Variants in BTBD9 observed in about 807,000 individuals in gnomAD.
The protein encoded by BTBD9 is BTB domain containing 9, also known as BTB/POZ domain-containing protein 9.
In BTBD9, 49 loss-of-function variants were observed where a neutral mutation model predicts 64.3. The ratio of observed to expected loss-of-function variants is 0.76; its 90% CI spans 0.61 to 0.97. The LOEUF (loss-of-function observed/expected upper bound fraction) is 0.97, where lower values mean the gene tolerates loss of function less well. BTBD9 is among the 50% of genes least tolerant of loss of function. The pLI, the probability that BTBD9 is intolerant of heterozygous loss-of-function variation, is 0.00. For synonymous variants in BTBD9, 260 were observed against 274.7 expected, an observed-to-expected ratio of 0.95 and a Z score of 0.53; for missense variants, 598 against 762.1, an observed-to-expected ratio of 0.78 and a Z score of 2.53.
At position 38,515,998 on chromosome 6, in the gene BTBD9, T is replaced by C. The variant is rs559076798; in HGVS notation, c.1154+61602A>G. 2.0e-5 allele frequency among the ~76,000 whole-genome samples: 3 copies of C among 152,346 alleles called. No homozygotes were observed. The East Asian group carries it at 5.8e-4, about 29-fold the overall frequency. ...GATGATCTTCAGGATGTGTAAATTA[T>C]ACATTGTAGTTACATAACAGACTAA... On this transcript the variant is annotated intron_variant, in intron 6 of 10. Transcript: ENST00000481247.
Position 38,238,470 on chromosome 6 carries a change from G to GTTTTTTTTTTT in BTBD9, c.1562+17938_1562+17939insAAAAAAAAAAA, listed in dbSNP as rs34641170. Among the ~76,000 whole-genome samples, 2 of 127,990 alleles carry GTTTTTTTTTTT rather than the reference G, an allele frequency of 1.6e-5. 1 individual carries two copies. Among genetic ancestry groups the GTTTTTTTTTTT allele is most frequent in the Non-Finnish European group, 3.2e-5 (2 of 62,870 alleles). 84.0% of individuals were successfully genotyped at this position (127,990 alleles called of 152,430 possible). A position where few individuals can be genotyped will look rare whatever the true frequency, so the allele number is the denominator to read the frequency against. ...ACAGTAAGCTGTTGCGGAGACCAAG[G>GTTTTTTTTTTT]TTTTTTGTTTTTTTTTTTTTGAGAC... On this transcript the variant is annotated intron_variant, in intron 9 of 10. Transcript: ENST00000481247.
At chr6:38,300,549 T>C (rs1488591483) in intron 7 of BTBD9, among the ~76,000 whole-genome samples, 1 of 150,998 alleles carries the variant, frequency 6.6e-6, no homozygotes, top group Non-Finnish European at 1.5e-5. Context: ...CAGTGGTTTG[T>C]AGTTCTCCTT....
chr6:38,180,873 C>T (rs1761524028), intron 10 of BTBD9, among the ~76,000 whole-genome samples: 1 of 152,210 alleles, frequency 6.6e-6, no homozygotes, highest in Non-Finnish European at 1.5e-5. Flanking sequence ...TGTATGAATC[C>T]GACACAGCCT....
intron 8 of BTBD9, among the ~76,000 whole-genome samples, chr6:38,267,620 C>T (rs913475315): frequency 6.6e-6 from 1 of 152,222 alleles, no homozygotes; most frequent in African/African-American, 2.4e-5. Flanking sequence ...CAATGCCTTA[C>T]ACATCATAAG....
intron 6 of BTBD9, among the ~76,000 whole-genome samples, chr6:38,468,347 C>T (rs960737968): frequency 6.6e-6 from 1 of 152,208 alleles, no homozygotes; most frequent in Non-Finnish European, 1.5e-5. Context: ...CTACATACCT[C>T]GCACACACCT....
chr6:38,358,198 C>T (rs1048429557), intron 6 of BTBD9, among the ~76,000 whole-genome samples: 1 of 152,036 alleles, frequency 6.6e-6, no homozygotes, highest in Non-Finnish European at 1.5e-5. Context: ...CTCTCCAGAA[C>T]AATCACTATA....
chr6:38,267,941 AAAAAC>A (rs1229859467), intron 8 of BTBD9, among the ~76,000 whole-genome samples: 6 of 152,192 alleles, frequency 3.9e-5, no homozygotes, highest in African/African-American at 4.8e-5. Context: ...CTCCGTCTCA[AAAAAC>A]AAAACAAAAC....
intron 6 of BTBD9, among the ~76,000 whole-genome samples, chr6:38,417,241 C>T (rs1374940885): frequency 3.3e-5 from 5 of 152,200 alleles, no homozygotes; most frequent in African/African-American, 9.7e-5. Flanking sequence ...ACCCTGCCCA[C>T]GCTGACCTCT....
At position 38,184,440 on chromosome 6, in the gene BTBD9, C is replaced by T. The variant is rs559659502; in HGVS notation, c.1641+8079G>A. ...CATTTCCAGTTGCTGGAACATGAAG[C>T]CCCTGGAGGGCCAGGTTCCCTCCCA... On this transcript the variant is annotated intron_variant, in intron 10 of 10. Coordinates refer to ENST00000481247, the MANE Select transcript of BTBD9 (RefSeq NM_001099272.2). The surrounding 1 kb of genome is among the most constrained non-coding windows in gnomAD (Gnocchi z 4.4). 6.6e-6 allele frequency among the ~76,000 whole-genome samples: 1 copy of T among 152,322 alleles called. No homozygotes were observed. The highest frequency in any genetic ancestry group is 2.4e-5 in the African/African-American group (1 of 41,566).
intron 8 of BTBD9, among the ~76,000 whole-genome samples, chr6:38,273,989 A>G (rs900604680): frequency 6.6e-6 from 1 of 152,230 alleles, no homozygotes; most frequent in Admixed American, 6.5e-5. Context: ...TGAGTGCTGC[A>G]AACAGACTAA....
At chr6:38,208,225 C>T (rs1018933765) in intron 9 of BTBD9, among the ~76,000 whole-genome samples, 2 of 152,162 alleles carry the variant, frequency 1.3e-5, no homozygotes, top group Non-Finnish European at 2.9e-5. Context: ...GGCACTGAGA[C>T]GTGACGGGTA....
chr6:38,204,928 A>G (rs894746603), intron 9 of BTBD9, among the ~76,000 whole-genome samples: 39 of 152,224 alleles, frequency 2.6e-4, no homozygotes, highest in Non-Finnish European at 2.9e-5. Flanking sequence ...TGAAAAAATA[A>G]CATTTAGTGA....
intron 6 of BTBD9, among the ~76,000 whole-genome samples, chr6:38,347,912 G>A (rs557801547): frequency 2.6e-5 from 4 of 152,264 alleles, no homozygotes; most frequent in East Asian, 1.9e-4. Flanking sequence ...CAGGAGAATC[G>A]CTTGAAACTG....
At chr6:38,270,767 A>T (rs1321778345) in intron 8 of BTBD9, among the ~76,000 whole-genome samples, 3 of 152,344 alleles carry the variant, frequency 2.0e-5, no homozygotes, top group Non-Finnish European at 4.4e-5. Context: ...TTAGGACCAC[A>T]AAGGGTTGCA....
chr6:38,547,671 G>A (rs1426003560), intron 6 of BTBD9, among the ~76,000 whole-genome samples: 2 of 151,958 alleles, frequency 1.3e-5, no homozygotes, highest in African/African-American at 4.8e-5. Context: ...CCTTCATCCT[G>A]CACCACCTCT....
At chr6:38,205,680 TCGAGACCAGCC>T (rs2127495512) in intron 9 of BTBD9, among the ~76,000 whole-genome samples, 1 of 151,640 alleles carries the variant, frequency 6.6e-6, no homozygotes, top group South Asian at 2.1e-4. Flanking sequence ...GGCCAGGAGT[TCGAGACCAGCC>T]TGGCCAACAT....
chr6:38,385,948 C>T (rs967290234), intron 6 of BTBD9, among the ~76,000 whole-genome samples: 1 of 151,738 alleles, frequency 6.6e-6, no homozygotes, highest in Non-Finnish European at 1.5e-5. Context: ...GTGCATGCCA[C>T]CATGCCTAAT....
intron 6 of BTBD9, among the ~76,000 whole-genome samples, chr6:38,505,611 G>C (rs1270720283): frequency 6.6e-6 from 1 of 150,840 alleles, no homozygotes; most frequent in Admixed American, 6.6e-5. Flanking sequence ...GCGACACAGC[G>C]AGACTCTGTC....
chr6:38,639,307 T>C (rs1474118798), intron 1 of BTBD9, among the ~76,000 whole-genome samples: 6 of 152,258 alleles, frequency 3.9e-5, no homozygotes, highest in South Asian at 4.2e-4. Context: ...CGTGGGTGTG[T>C]CTGATGCCGC....
Sources: allele counts gnomAD v4.1 joint callset (sites outside exome capture counted in the v4.1 genomes callset), GRCh38; gene constraint gnomAD v4.1.1; non-coding constraint Gnocchi (gnomAD v3.1); transcripts MANE v1.5; gene names NCBI Gene and HGNC (gene_info 2026-07-23, HGNC 2026-07-21).